GFPT2: variants seen among roughly 807,000 people sequenced by gnomAD.
GFPT2 encodes the protein glutamine--fructose-6-phosphate aminotransferase [isomerizing] 2.
GFPT2 carries 62 observed loss-of-function variants against 85.6 expected under a neutral mutation model. The observed-to-expected ratio is 0.72, with a 90% CI of 0.59 to 0.90. The LOEUF is 0.90. GFPT2 is among the 40% of genes least tolerant of loss of function. The probability of loss-of-function intolerance (pLI) is 0.00; values close to 1 mark genes in which losing one functional copy is unlikely to be tolerated. For synonymous variants in GFPT2, 368 were observed against 344.5 expected, an observed-to-expected ratio of 1.07 and a Z score of -0.75; for missense variants, 788 against 893.4, an observed-to-expected ratio of 0.88 and a Z score of 1.50.
intron 5 of GFPT2, among the ~76,000 whole-genome samples, chr5:180,331,193 G>A (rs561804568): frequency 6.6e-6 from 1 of 152,316 alleles, no homozygotes; most frequent in South Asian, 2.1e-4. Flanking sequence ...CAACTCCGCC[G>A]GTATACGAGT....
At position 180,352,401 on chromosome 5, in the gene GFPT2, C is replaced by T. The variant is rs540291072; in HGVS notation, c.7+810G>A. On this transcript the variant is annotated intron_variant, in intron 1 of 18. Transcript: ENST00000253778. Reference sequence around the variant, plus strand: ...TGTCCCAGCAGAAGTTCCCGGCTCTCTCCCGGCCAGCGGAGGCGGCCCAGC... The same window carrying T: ...TGTCCCAGCAGAAGTTCCCGGCTCTTTCCCGGCCAGCGGAGGCGGCCCAGC... The T allele has an allele frequency of 1.1e-5, 5 of 454,926 alleles. No individual in the cohort carries two copies. The Admixed American group carries it at 1.2e-4, about 11-fold the overall frequency. 28.2% of individuals were successfully genotyped at this position (454,926 alleles called of 1,614,324 possible). A position where few individuals can be genotyped will look rare whatever the true frequency, so the allele number is the denominator to read the frequency against.
chr5:180,342,771 G>A (rs936055947), intron 1 of GFPT2, among the ~76,000 whole-genome samples: 18 of 152,006 alleles, frequency 1.2e-4, no homozygotes, highest in African/African-American at 4.3e-4. Flanking sequence ...GTATGGTGGT[G>A]CGTGCCTGTA....
At chr5:180,322,401 T>G (rs1764137534) in intron 9 of GFPT2, among the ~76,000 whole-genome samples, 1 of 152,236 alleles carries the variant, frequency 6.6e-6, no homozygotes, top group African/African-American at 2.4e-5. Context: ...TGTAGACTTC[T>G]CCAAATATGT....
At chr5:180,337,909 G>T (rs905521107) in intron 2 of GFPT2, among the ~76,000 whole-genome samples, 1 of 152,140 alleles carries the variant, frequency 6.6e-6, no homozygotes, top group Non-Finnish European at 1.5e-5. Context: ...TGCTTTGGGA[G>T]GCAAAGGCAG....
chr5:180,331,602 C>A, intron 4 of GFPT2, 49 bp from the exon 5 acceptor site: 2 of 1,079,182 alleles, frequency 1.9e-6, no homozygotes, highest in South Asian at 2.5e-5. Context: ...AGGTTCATGT[C>A]AGATGTGAAG....
rs1338290247 is a variant in GFPT2 at position 180,307,206 on chromosome 5, G to A, written c.1644C>T (p.Tyr548=). Residue 548 remains tyrosine (Y), a synonymous_variant, in exon 16 of 19, where the codon TAC becomes TAT. Transcript: ENST00000253778. Reference sequence around the variant, plus strand: ...CTCCTTCCAGGCAGGTGGCATAGTTGTAGCCCCGCCCCATCACCAGCAGCG... The same window carrying A: ...CTCCTTCCAGGCAGGTGGCATAGTTATAGCCCCGCCCCATCACCAGCAGCG... The part of the protein sequence containing the change: ...QRSLLVMGRG[Y]NYATCLEGAL... 6.2e-7 allele frequency: 1 copy of A among 1,603,250 alleles called. No homozygotes were observed. Among genetic ancestry groups the A allele is most frequent in the East Asian group, 2.2e-5 (1 of 44,594 alleles).
chr5:180,312,588 T>G lies in GFPT2; in HGVS notation c.1432-44A>C, dbSNP rs770510525. On this transcript the variant is annotated intron_variant, in intron 14 of 18. Transcript: ENST00000253778. ...GTGGCAGGGACCTTATTTTCACTTT[T>G]TAAATCAACTTTTATTTTTGAGACA... 4.0e-6 allele frequency: 4 copies of G among 1,009,012 alleles called. No individual in the cohort carries two copies. The African/African-American group carries it at 6.4e-5, about 16-fold the overall frequency. 62.5% of individuals were successfully genotyped at this position (1,009,012 alleles called of 1,614,324 possible). A position where few individuals can be genotyped will look rare whatever the true frequency, so the allele number is the denominator to read the frequency against.
rs1009539404 is a variant in GFPT2, at chr5:180,323,935, G to A, written c.794+253C>T. ...CATTGGCAACTAACCCATTCATTTT[G>A]TGCAGGCTCGAAGCACTGTGCCCAC... On this transcript the variant is annotated intron_variant, in intron 9 of 18. Coordinates refer to ENST00000253778, the MANE Select transcript of GFPT2 (RefSeq NM_005110.4). The surrounding 1 kb of genome is among the most constrained non-coding windows in gnomAD (Gnocchi z 4.0). Among the ~76,000 whole-genome samples the A allele has an allele frequency of 6.6e-6, 1 of 152,228 alleles. No homozygotes were observed. The highest frequency in any genetic ancestry group is 2.4e-5 in the African/African-American group (1 of 41,454).
chr5:180,340,452 C>G (rs538721721), intron 1 of GFPT2, among the ~76,000 whole-genome samples: 1 of 151,476 alleles, frequency 6.6e-6, no homozygotes, highest in African/African-American at 2.4e-5. Flanking sequence ...GTCATCCGCC[C>G]GCCTCGGCTT....
intron 1 of GFPT2, among the ~76,000 whole-genome samples, chr5:180,349,774 C>T (rs537181083): frequency 6.6e-6 from 1 of 152,020 alleles, no homozygotes; most frequent in East Asian, 1.9e-4. Flanking sequence ...GTTACAGCAG[C>T]CAGTGGAGAC....
At chr5:180,324,482 C>T in intron 8 of GFPT2, 177 bp from the exon 9 acceptor site, 1 of 589,906 alleles carries the variant, frequency 1.7e-6, no homozygotes, top group Non-Finnish European at 3.0e-6. Flanking sequence ...ACTGCAAAAG[C>T]ATTTAAATGG....
chr5:180,327,384 T>C (rs370178275), intron 7 of GFPT2, among the ~76,000 whole-genome samples: 2 of 152,212 alleles, frequency 1.3e-5, no homozygotes, highest in South Asian at 4.1e-4. Context: ...CCTTGCACCA[T>C]GCCCCCACCT....
rs2303007 is a variant in GFPT2, at chr5:180,313,827, T to C, written c.1411A>G (p.Ile471Val). Reference protein sequence around the residue: ...CGVHINAGPEIGVASTKAYTS... With the variant: ...CGVHINAGPEVGVASTKAYTS... ...CCTACCTTGGTGCTGGCCACGCCGA[T>C]CTCCGGCCCTGCGTTGATGTGGACG... Residue 471 changes from isoleucine to valine, a missense_variant, in exon 14 of 19, where the codon ATC becomes GTC. Transcript: ENST00000253778. 0.2 allele frequency: 322,238 copies of C among 1,572,306 alleles called. 34,660 individuals carry two copies. Among genetic ancestry groups the C allele is most frequent in the East Asian group, 0.36 (15,493 of 42,842 alleles).
At position 180,317,008 on chromosome 5, in the gene GFPT2, C is replaced by T. The variant is rs761886872; in HGVS notation, c.1009G>A (p.Val337Ile). 11 of 1,612,458 alleles carry T rather than the reference C, an allele frequency of 6.8e-6. No homozygotes were observed. The highest frequency in any genetic ancestry group is 1.1e-5 in the South Asian group (1 of 91,042). Residue 337 changes from valine (V) to isoleucine (I), a missense_variant, in exon 11 of 19, where the codon GTT becomes ATT. Physicochemically the swap from Val to Ile is conservative, Grantham distance 29 (BLOSUM62 3). Transcript: ENST00000253778. Reference protein sequence around the residue: ...QKEIFEQPESVFNTMRGRVNF... With the variant: ...QKEIFEQPESIFNTMRGRVNF... ...ACCCGACCTCTCATAGTATTGAAAA[C>T]TGATTCTGGCTGTTCGAAGATCTCC...
intron 4 of GFPT2, 81 bp from the exon 5 acceptor site, chr5:180,331,634 G>T (rs772658030): frequency 1.2e-6 from 1 of 849,902 alleles, no homozygotes. Flanking sequence ...CAAGGCTTGA[G>T]AACTCTCTGC....
intron 9 of GFPT2, among the ~76,000 whole-genome samples, chr5:180,321,018 C>A (rs2127651359): frequency 6.6e-6 from 1 of 152,286 alleles, no homozygotes; most frequent in East Asian, 1.9e-4. Context: ...TAAAAGTGTA[C>A]AAATAACTTC....
intron 17 of GFPT2, 119 bp downstream of exon 17, chr5:180,304,653 G>C (rs1453971265): frequency 1.5e-5 from 14 of 926,932 alleles, no homozygotes; most frequent in Non-Finnish European, 2.2e-5. Flanking sequence ...GGGAGGGTGT[G>C]TGGTCACAGC....
At chr5:180,344,734 C>T (rs1039793633) in intron 1 of GFPT2, among the ~76,000 whole-genome samples, 39 of 152,202 alleles carry the variant, frequency 2.6e-4, no homozygotes, top group East Asian at 1.9e-4. Flanking sequence ...CCACAATGGC[C>T]CTTCCCTCTG....
chr5:180,316,402 A>G lies in GFPT2; in HGVS notation c.1212T>C (p.Asp404=), dbSNP rs1764010594. The stretch of plus-strand genomic sequence containing the variant: ...ACACAGGTGTGTTCCTGTCCAGAAA[A>G]TCACTAGCAAGTTCAACCATCACAG... ...ELPVMVELAS[D]FLDRNTPVFR... The change falls in exon 13 of 19, where the codon GAT becomes GAC. Residue 404 remains aspartate (D), a synonymous_variant. Transcript: ENST00000253778. The G allele has an allele frequency of 6.2e-7, 1 of 1,613,940 alleles. No homozygotes were observed. Among genetic ancestry groups the G allele is most frequent in the African/African-American group, 1.3e-5 (1 of 74,906 alleles).
Sources: allele counts gnomAD v4.1 joint callset (sites outside exome capture counted in the v4.1 genomes callset), GRCh38; gene constraint gnomAD v4.1.1; non-coding constraint Gnocchi (gnomAD v3.1); transcripts MANE v1.5; gene names NCBI Gene and HGNC (gene_info 2026-07-23, HGNC 2026-07-21).